The following DPYD variants were observed in gnomAD, a reference collection of about 807,000 sequenced individuals.
DPYD encodes the protein dihydropyrimidine dehydrogenase [NADP(+)].
Under a neutral mutation model 116.2 loss-of-function variants are expected in DPYD, and 109 were observed. That is an observed-to-expected ratio of 0.94 (90% CI 0.80 to 1.10). DPYD has a LOEUF of 1.10. DPYD is among the 50% of genes least tolerant of loss of function. DPYD has a pLI of 0.00. For missense variants in DPYD, 1,302 were observed against 1,254.5 expected, an observed-to-expected ratio of 1.04 and a Z score of -0.57; for synonymous variants, 440 against 432.0, an observed-to-expected ratio of 1.02 and a Z score of -0.23.
chr1:97,259,893 T>C (rs867107201), intron 18 of DPYD, among the ~76,000 whole-genome samples: 6 of 152,204 alleles, frequency 3.9e-5, no homozygotes, highest in South Asian at 2.1e-4. Context: ...TCTTTACATA[T>C]ATACATAAAG....
chr1:97,230,265 A>C (rs1248018060), intron 19 of DPYD, among the ~76,000 whole-genome samples: 1 of 152,242 alleles, frequency 6.6e-6, no homozygotes, highest in Non-Finnish European at 1.5e-5. Flanking sequence ...TGGATAAAGA[A>C]AATGTGGTAC....
intron 20 of DPYD, among the ~76,000 whole-genome samples, chr1:97,123,569 T>G (rs1050723418): frequency 1.5e-4 from 23 of 152,110 alleles, no homozygotes; most frequent in Non-Finnish European, 2.8e-4. Context: ...ACTAGCTTAT[T>G]TACAAAATTT....
intron 3 of DPYD, among the ~76,000 whole-genome samples, chr1:97,780,694 C>T (rs759783179): frequency 1.2e-4 from 19 of 152,158 alleles, no homozygotes; most frequent in African/African-American, 3.9e-4. Flanking sequence ...CTCATTCTGT[C>T]CCTTCTTTTA....
Position 97,677,759 on chromosome 1 carries a change from AT to A in DPYD, c.850+1335del, listed in dbSNP as rs144819991. On this transcript the variant is annotated intron_variant, in intron 8 of 22. Coordinates refer to ENST00000370192, the MANE Select transcript of DPYD (RefSeq NM_000110.4). ...GTGTAAATTTATATTGCTTTCCATA[AT>A]TTTTTGCCTAAATAAAGGGGCTGAC... Among the ~76,000 whole-genome samples the A allele has an allele frequency of 9.0e-3, 1,373 of 152,212 alleles. 19 individuals carry two copies. Among genetic ancestry groups the A allele is most frequent in the African/African-American group, 0.031 (1,293 of 41,508 alleles).
chr1:97,109,328 C>A (rs1651421742), intron 20 of DPYD, among the ~76,000 whole-genome samples: 1 of 152,078 alleles, frequency 6.6e-6, no homozygotes, highest in African/African-American at 2.4e-5. Context: ...GAAAGATTTT[C>A]TCAGCAACAG....
intron 13 of DPYD, among the ~76,000 whole-genome samples, chr1:97,450,847 A>G (rs1676376109): frequency 6.6e-6 from 1 of 152,134 alleles, no homozygotes; most frequent in East Asian, 1.9e-4. Flanking sequence ...TAACTTCCTG[A>G]TACCTATAAA....
At chr1:97,272,161 T>C (rs1215663907) in intron 18 of DPYD, among the ~76,000 whole-genome samples, 1 of 152,144 alleles carries the variant, frequency 6.6e-6, no homozygotes, top group Non-Finnish European at 1.5e-5. Context: ...TTTCTCTACT[T>C]TTTCTCCAAC....
chr1:97,082,220 T>C (rs1649204937), intron 22 of DPYD, 110 bp downstream of exon 22: 2 of 1,330,566 alleles, frequency 1.5e-6, no homozygotes, highest in East Asian at 4.6e-5. Flanking sequence ...AGAAGAGCAA[T>C]ATTTGGCACC....
At position 97,699,552 on chromosome 1, in the gene DPYD, G is replaced by T. The variant is rs767955683; in HGVS notation, c.484-5C>A. The T allele has an allele frequency of 1.9e-6, 3 of 1,612,788 alleles. No individual in the cohort carries two copies. The highest frequency in any genetic ancestry group is 2.5e-6 in the Non-Finnish European group (3 of 1,179,200). On this transcript the variant is annotated splice_polypyrimidine_tract_variant and splice_region_variant and intron_variant, in intron 5 of 22. Coordinates refer to ENST00000370192, the MANE Select transcript of DPYD (RefSeq NM_000110.4). ...GATACTCATTGCTTTGAATACCTAC[G>T]GGGAAATCAATTGTCATGGTTAAAA...
chr1:97,681,939 T>C (rs1660448869), intron 7 of DPYD, among the ~76,000 whole-genome samples: 1 of 152,210 alleles, frequency 6.6e-6, no homozygotes, highest in East Asian at 1.9e-4. Context: ...TAGGTTTACT[T>C]TATTCAGTGC....
intron 14 of DPYD, among the ~76,000 whole-genome samples, chr1:97,441,353 T>G (rs1207629309): frequency 6.6e-6 from 1 of 152,150 alleles, no homozygotes; most frequent in African/African-American, 2.4e-5. Context: ...GGCCACTTAT[T>G]GTCACCAGCT....
intron 18 of DPYD, among the ~76,000 whole-genome samples, chr1:97,282,300 G>T (rs1230742776): frequency 6.6e-6 from 1 of 151,640 alleles, no homozygotes; most frequent in East Asian, 1.9e-4. Context: ...TTCTTTTTTT[G>T]ATATATAAAA....
At chr1:97,591,599 T>G (rs1277522941) in intron 10 of DPYD, among the ~76,000 whole-genome samples, 1 of 152,212 alleles carries the variant, frequency 6.6e-6, no homozygotes, top group African/African-American at 2.4e-5. Flanking sequence ...CAGTGACCCT[T>G]GCAAATGGAA....
At chr1:97,156,619 A>G (rs1655480758) in intron 20 of DPYD, among the ~76,000 whole-genome samples, 1 of 152,180 alleles carries the variant, frequency 6.6e-6, no homozygotes, top group African/African-American at 2.4e-5. Flanking sequence ...AGTAAACAAC[A>G]GGTGCTGGAG....
chr1:97,236,577 A>G (rs1388646580), intron 18 of DPYD, among the ~76,000 whole-genome samples: 2 of 152,166 alleles, frequency 1.3e-5, no homozygotes, highest in Non-Finnish European at 2.9e-5. Context: ...ATAAATAGGC[A>G]GAGCAAAGAG....
chr1:97,518,479 G>A (rs911058479), intron 12 of DPYD, among the ~76,000 whole-genome samples: 1 of 152,012 alleles, frequency 6.6e-6, no homozygotes, highest in African/African-American at 2.4e-5. Flanking sequence ...CCCTTGCTCA[G>A]AGAACTCAAG....
chr1:97,294,525 G>C (rs1169539148), intron 18 of DPYD, among the ~76,000 whole-genome samples: 2 of 152,160 alleles, frequency 1.3e-5, no homozygotes, highest in Non-Finnish European at 1.5e-5. Context: ...TAAAAGAGAT[G>C]ATGTTGCTTT....
intron 8 of DPYD, among the ~76,000 whole-genome samples, chr1:97,651,349 T>C (rs1658571948): frequency 6.6e-6 from 1 of 152,200 alleles, no homozygotes; most frequent in African/African-American, 2.4e-5. Flanking sequence ...ACACATCCTT[T>C]ACAAGTAATG....
intron 19 of DPYD, among the ~76,000 whole-genome samples, chr1:97,230,658 A>T (rs1227256956): frequency 4.6e-5 from 7 of 152,220 alleles, no homozygotes; most frequent in Admixed American, 1.3e-4. Flanking sequence ...AATCCAAGCC[A>T]ATAGACAGTA....
Sources: gnomAD v4.1 joint callset for allele counts (sites outside exome capture counted in the v4.1 genomes callset) on GRCh38, gnomAD v4.1.1 for gene constraint, MANE v1.5 for transcripts, NCBI Gene and HGNC (gene_info 2026-07-23, HGNC 2026-07-21) for gene names.